PDE11A: variants seen among roughly 807,000 people sequenced by gnomAD.
PDE11A encodes phosphodiesterase 11A, also known as dual 3',5'-cyclic-AMP and -GMP phosphodiesterase 11A.
In PDE11A, 100 loss-of-function variants were observed where a neutral mutation model predicts 100.5. That is an observed-to-expected ratio of 1.00 (90% CI 0.85 to 1.18). PDE11A has a LOEUF of 1.18. Ranked by LOEUF, PDE11A falls within the 50% of genes most tolerant of loss-of-function variation. PDE11A has a pLI of 0.00. For missense variants in PDE11A, 1,141 were observed against 1,152.6 expected, an observed-to-expected ratio of 0.99 and a Z score of 0.15; for synonymous variants, 381 against 420.8, an observed-to-expected ratio of 0.91 and a Z score of 1.16.
intron 2 of PDE11A, among the ~76,000 whole-genome samples, chr2:178,006,974 A>G (rs2086220506): frequency 6.6e-6 from 1 of 152,192 alleles, no homozygotes; most frequent in African/African-American, 2.4e-5. Flanking sequence ...TGAATGAGAA[A>G]GACTTCAGTT....
chr2:178,070,694 G>A (rs1410395980), intron 1 of PDE11A, among the ~76,000 whole-genome samples: 1 of 152,198 alleles, frequency 6.6e-6, no homozygotes, highest in Admixed American at 6.5e-5. Flanking sequence ...AGAAAACCCA[G>A]ATGAGAGCAT....
chr2:177,751,984 G>C (rs1445092035), intron 10 of PDE11A, among the ~76,000 whole-genome samples: 1 of 152,126 alleles, frequency 6.6e-6, no homozygotes, highest in Non-Finnish European at 1.5e-5. Flanking sequence ...GTGAGACAGA[G>C]CTGGGACTTG....
At chr2:177,853,680 A>ATGTGTGTGTATG (rs2083766618) in intron 5 of PDE11A, among the ~76,000 whole-genome samples, 1 of 36,510 alleles carries the variant, frequency 2.7e-5, no homozygotes, top group Non-Finnish European at 5.2e-5. Context: ...ATATATATAT[A>ATGTGTGTGTATG]TGTGTGTGTG....
intron 9 of PDE11A, among the ~76,000 whole-genome samples, chr2:177,813,986 A>G (rs962309967): frequency 1.3e-5 from 2 of 152,108 alleles, no homozygotes; most frequent in African/African-American, 4.8e-5. Context: ...GGCACACCTG[A>G]GTGGGGAATC....
At chr2:177,881,206 A>C (rs1472254945) in intron 4 of PDE11A, among the ~76,000 whole-genome samples, 1 of 152,218 alleles carries the variant, frequency 6.6e-6, no homozygotes, top group South Asian at 2.1e-4. Flanking sequence ...CTTTGAACTC[A>C]GACTGAATTA....
intron 10 of PDE11A, among the ~76,000 whole-genome samples, chr2:177,729,337 G>T (rs933481953): frequency 6.8e-6 from 1 of 146,166 alleles, no homozygotes; most frequent in Admixed American, 6.7e-5. Context: ...GGAACTTCCC[G>T]CATTTCTCCA....
intron 1 of PDE11A, among the ~76,000 whole-genome samples, chr2:178,051,828 A>G (rs1165800515): frequency 6.6e-6 from 1 of 152,198 alleles, no homozygotes; most frequent in African/African-American, 2.4e-5. Flanking sequence ...CTAAATATAT[A>G]TGCACCCAAT....
intron 2 of PDE11A, among the ~76,000 whole-genome samples, chr2:178,007,481 T>C (rs1451060418): frequency 6.6e-6 from 1 of 152,164 alleles, no homozygotes; most frequent in Admixed American, 6.5e-5. Flanking sequence ...TTCACAGTGA[T>C]CATATGAAGC....
intron 14 of PDE11A, among the ~76,000 whole-genome samples, chr2:177,699,407 C>T (rs1290831455): frequency 8.5e-5 from 13 of 152,170 alleles, no homozygotes; most frequent in Admixed American, 8.5e-4. Context: ...TTGCATGTGA[C>T]TGTACTTTGA....
At chr2:177,635,936 C>G (rs928078142) in intron 19 of PDE11A, among the ~76,000 whole-genome samples, 5 of 151,552 alleles carry the variant, frequency 3.3e-5, no homozygotes, top group African/African-American at 1.2e-4. Flanking sequence ...GGAACCCAAA[C>G]ATTGTTTATA....
chr2:177,851,862 T>A (rs533914341), intron 5 of PDE11A, among the ~76,000 whole-genome samples: 1 of 152,266 alleles, frequency 6.6e-6, no homozygotes, highest in East Asian at 1.9e-4. Context: ...TTAAGCCCAG[T>A]AACCATTAGT....
At chr2:177,697,455 C>A (rs981967555) in intron 14 of PDE11A, 23 bp from the exon 15 acceptor site, 2 of 1,087,634 alleles carry the variant, frequency 1.8e-6, no homozygotes, top group South Asian at 2.5e-5. Flanking sequence ...AGTAAAAAGT[C>A]ACAAAAGACA....
intron 3 of PDE11A, among the ~76,000 whole-genome samples, chr2:177,904,293 A>C (rs1181062572): frequency 1.3e-5 from 2 of 152,190 alleles, no homozygotes; most frequent in East Asian, 3.8e-4. Context: ...TAATACTGTA[A>C]AACAGTCTTT....
Position 177,699,340 on chromosome 2 carries a change from T to C in PDE11A, c.2244+1781A>G, listed in dbSNP as rs146256868. Among the ~76,000 whole-genome samples, 788 of 152,322 alleles carry C rather than the reference T, an allele frequency of 5.2e-3. 4 individuals carry two copies. Among genetic ancestry groups the C allele is most frequent in the Admixed American group, 7.4e-3 (113 of 15,300 alleles). ...GAAAAGGTACAGTAAAAATATGGCA[T>C]TATAATCTTATGGGACCACCGTCGC... On this transcript the variant is annotated intron_variant, in intron 14 of 19. Coordinates refer to ENST00000286063, the MANE Select transcript of PDE11A (RefSeq NM_016953.4).
At chr2:177,825,089 C>T (rs1395661887) in intron 6 of PDE11A, among the ~76,000 whole-genome samples, 2 of 152,082 alleles carry the variant, frequency 1.3e-5, no homozygotes, top group South Asian at 2.1e-4. Flanking sequence ...AAGATAAGGA[C>T]TGAAAATGGC....
intron 2 of PDE11A, among the ~76,000 whole-genome samples, chr2:177,957,910 C>CCTTTTTTTTTTTTTTTTT: frequency 8.7e-6 from 1 of 114,466 alleles, no homozygotes; most frequent in Non-Finnish European, 1.7e-5. Context: ...TTTCCAATGC[C>CCTTTTTTTTTTTTTTTTT]TTTTTTTTGA....
intron 10 of PDE11A, 135 bp from the exon 11 acceptor site, chr2:177,728,307 C>G: frequency 1.4e-6 from 1 of 715,490 alleles, no homozygotes; most frequent in Non-Finnish European, 2.5e-6. Flanking sequence ...TACAGCTAAA[C>G]TCTGAGCTGT....
intron 5 of PDE11A, among the ~76,000 whole-genome samples, chr2:177,865,623 A>G (rs2084015275): frequency 6.6e-6 from 1 of 152,376 alleles, no homozygotes; most frequent in South Asian, 2.1e-4. Flanking sequence ...CAACTGATGA[A>G]TAAGAAACAT....
chr2:177,688,912 A>T (rs571441945), intron 15 of PDE11A, among the ~76,000 whole-genome samples: 174 of 152,334 alleles, frequency 1.1e-3, no homozygotes, highest in African/African-American at 4.0e-3. Context: ...TTCTGTGAAC[A>T]TTTTAATCAT....
Sources: gnomAD v4.1 joint callset for allele counts (sites outside exome capture counted in the v4.1 genomes callset) on GRCh38, gnomAD v4.1.1 for gene constraint, MANE v1.5 for transcripts, NCBI Gene and HGNC (gene_info 2026-07-23, HGNC 2026-07-21) for gene names.